The following SHISA6 variants were observed in gnomAD, a reference collection of about 807,000 sequenced individuals.
SHISA6 encodes the protein shisa family member 6, also known as protein shisa-6.
In SHISA6, 22 loss-of-function variants were observed where a neutral mutation model predicts 47.9. That is an observed-to-expected ratio of 0.46 (90% CI 0.33 to 0.66). The LOEUF is 0.66. Ranked by LOEUF, SHISA6 falls within the 30% of genes least tolerant of loss-of-function variation. The pLI, the probability that SHISA6 is intolerant of heterozygous loss-of-function variation, is 0.02. For missense variants in SHISA6, 680 were observed against 764.6 expected (o/e 0.89, Z 1.30); for synonymous variants, 388 against 337.8 (o/e 1.15, Z -1.63).
chr17:11,243,643 C>G (rs1188986373), intron 1 of SHISA6, among the ~76,000 whole-genome samples: 1 of 152,170 alleles, frequency 6.6e-6, no homozygotes, highest in African/African-American at 2.4e-5. Context: ...AATTTTCTGT[C>G]TCGGCTCAGT....
At chr17:11,502,726 C>CA (rs1308692240) in intron 3 of SHISA6, among the ~76,000 whole-genome samples, 1 of 152,150 alleles carries the variant, frequency 6.6e-6, no homozygotes, top group Non-Finnish European at 1.5e-5. Context: ...GACTCCGTCT[C>CA]AAAAAAATAA....
chr17:11,413,084 A>G (rs205023), intron 3 of SHISA6, among the ~76,000 whole-genome samples: 12,097 of 152,100 alleles, frequency 0.08, 618 homozygotes, highest in South Asian at 0.15. Flanking sequence ...TGTGATTCCT[A>G]CCCACGTGGC....
At chr17:11,358,526 A>AT (rs1223783212) in intron 2 of SHISA6, among the ~76,000 whole-genome samples, 2 of 151,306 alleles carry the variant, frequency 1.3e-5, no homozygotes, top group African/African-American at 2.4e-5. Context: ...TGCCTGGTTA[A>AT]TTTTTTGTAT....
At position 11,557,790 on chromosome 17, in the gene SHISA6, G is replaced by C. The variant is rs536845860; in HGVS notation, c.1142G>C (p.Arg381Pro). Residue 381 changes from arginine to proline, a missense_variant, in exon 6 of 6, where the codon CGG becomes CCG. Arg to Pro is a moderately radical substitution (Grantham distance 103, BLOSUM62 -2). This residue lies in a region of SHISA6 where 559 missense variants were observed against 674.1 expected (regional missense o/e 0.83). Transcript: ENST00000441885. ...KEADEYYMRRRHLPDLAARGT... is the reference protein window; with the variant it reads ...KEADEYYMRRPHLPDLAARGT... ...GCTGACGAGTATTACATGAGACGGC[G>C]GCACCTGCCCGACCTGGCTGCCCGC... 3.9e-6 allele frequency: 6 copies of C among 1,550,744 alleles called. No individual in the cohort carries two copies. The highest frequency in any genetic ancestry group is 5.2e-6 in the Non-Finnish European group (6 of 1,146,648).
At chr17:11,461,396 CAA>C (rs778616587) in intron 3 of SHISA6, among the ~76,000 whole-genome samples, 5,690 of 75,976 alleles carry the variant, frequency 0.075, 55 homozygotes, top group Non-Finnish European at 0.1. Flanking sequence ...GACTCCATCT[CAA>C]AAAAAAAAAA....
At chr17:11,534,621 A>G (rs951127753) in intron 3 of SHISA6, among the ~76,000 whole-genome samples, 1 of 152,194 alleles carries the variant, frequency 6.6e-6, no homozygotes, top group Admixed American at 6.5e-5. Context: ...AGTTCACAGT[A>G]AAGAAAGATT....
At chr17:11,523,717 A>G (rs1343751038) in intron 3 of SHISA6, among the ~76,000 whole-genome samples, 1 of 152,202 alleles carries the variant, frequency 6.6e-6, no homozygotes, top group African/African-American at 2.4e-5. Flanking sequence ...CTCTTTAAAA[A>G]TAATACGGCT....
intron 2 of SHISA6, among the ~76,000 whole-genome samples, chr17:11,335,811 A>G (rs935799424): frequency 2.0e-5 from 3 of 152,144 alleles, no homozygotes; most frequent in Admixed American, 6.5e-5. Context: ...TCTGAGCCTC[A>G]TTTTCCTCAT....
At chr17:11,242,130 C>T in intron 1 of SHISA6, 70 bp downstream of exon 1, 2 of 1,533,906 alleles carry the variant, frequency 1.3e-6, no homozygotes, top group Non-Finnish European at 1.8e-6. Context: ...TTCCCCTGTC[C>T]TCTTCACTCT....
intron 1 of SHISA6, among the ~76,000 whole-genome samples, chr17:11,243,034 CA>C (rs1907432490): frequency 6.6e-6 from 1 of 151,984 alleles, no homozygotes; most frequent in African/African-American, 2.4e-5. Context: ...TCTCAGGGAA[CA>C]AACCCTGCCC....
chr17:11,417,295 C>A (rs1914307907), intron 3 of SHISA6, among the ~76,000 whole-genome samples: 1 of 152,032 alleles, frequency 6.6e-6, no homozygotes, highest in South Asian at 2.1e-4. Flanking sequence ...CAAATTACCA[C>A]CAAGAAATGG....
chr17:11,342,664 C>T (rs1422473376), intron 2 of SHISA6, among the ~76,000 whole-genome samples: 3 of 152,166 alleles, frequency 2.0e-5, no homozygotes, highest in Non-Finnish European at 4.4e-5. Flanking sequence ...AACAACCAAC[C>T]CCTCCTTTTG....
chr17:11,390,997 A>G (rs532310300), intron 3 of SHISA6, among the ~76,000 whole-genome samples: 1 of 152,336 alleles, frequency 6.6e-6, no homozygotes, highest in African/African-American at 2.4e-5. Context: ...GTTGCCTCTG[A>G]ATGGACGGGT....
intron 3 of SHISA6, among the ~76,000 whole-genome samples, chr17:11,426,068 C>T (rs532753828): frequency 1.3e-5 from 2 of 152,172 alleles, no homozygotes; most frequent in South Asian, 4.2e-4. Context: ...CACAAGGAAA[C>T]CAGGAAGTGA....
chr17:11,275,842 G>A (rs961793913), intron 2 of SHISA6, among the ~76,000 whole-genome samples: 2 of 152,076 alleles, frequency 1.3e-5, no homozygotes, highest in African/African-American at 2.4e-5. Flanking sequence ...GGGCCTTATG[G>A]GTCACACTAC....
At chr17:11,346,855 A>G (rs1189517412) in intron 2 of SHISA6, among the ~76,000 whole-genome samples, 1 of 152,236 alleles carries the variant, frequency 6.6e-6, no homozygotes, top group Admixed American at 6.5e-5. Flanking sequence ...GTCCTATGAT[A>G]TTCAATAATA....
intron 2 of SHISA6, among the ~76,000 whole-genome samples, chr17:11,278,200 G>C (rs551503579): frequency 2.0e-5 from 3 of 152,280 alleles, no homozygotes; most frequent in Admixed American, 2.0e-4. Flanking sequence ...AGGGTCACTG[G>C]GAGACTCCTG....
chr17:11,359,843 TAAG>T (rs571791442), intron 2 of SHISA6, among the ~76,000 whole-genome samples: 192 of 152,180 alleles, frequency 1.3e-3, no homozygotes, highest in African/African-American at 3.4e-3. Flanking sequence ...CCTACAGAAA[TAAG>T]AACGCTTTTA....
intron 2 of SHISA6, among the ~76,000 whole-genome samples, chr17:11,286,321 A>G (rs1325245660): frequency 6.6e-6 from 1 of 152,030 alleles, no homozygotes; most frequent in Non-Finnish European, 1.5e-5. Flanking sequence ...GGCTTACACA[A>G]TTCTATGCTT....
Sources: allele counts gnomAD v4.1 joint callset (sites outside exome capture counted in the v4.1 genomes callset), GRCh38; gene constraint gnomAD v4.1.1; regional missense constraint gnomAD v4.1.1; transcripts MANE v1.5; gene names NCBI Gene and HGNC (gene_info 2026-07-23, HGNC 2026-07-21).